DAP: variants seen among roughly 807,000 people sequenced by gnomAD.
DAP encodes the protein death-associated protein 1.
DAP carries 8 observed loss-of-function variants against 13.8 expected under a neutral mutation model. That is an observed-to-expected ratio of 0.58 (90% CI 0.34 to 1.05). The LOEUF (loss-of-function observed/expected upper bound fraction) is 1.05, where lower values mean the gene tolerates loss of function less well. DAP is among the 50% of genes least tolerant of loss of function. The pLI, the probability that DAP is intolerant of heterozygous loss-of-function variation, is 0.03. For missense variants in DAP, 106 were observed against 133.2 expected (o/e 0.80, Z 1.01); for synonymous variants, 47 against 47.5 (o/e 0.99, Z 0.04).
chr5:10,739,787 TCACACACACACACA>T (rs35309839), intron 2 of DAP, among the ~76,000 whole-genome samples: 1 of 148,506 alleles, frequency 6.7e-6, no homozygotes, highest in Non-Finnish European at 1.5e-5. Context: ...CTAAATTAAC[TCACACACACACACA>T]CACACACACA....
chr5:10,713,752 C>T lies in DAP; in HGVS notation c.153-30181G>A, dbSNP rs376502581. ...CGCCTGGTGTGCTCTGGCGGGGAAG[C>T]GGGGCTGGGCAAGTGCTGCTGTGTT... On this transcript the variant is annotated intron_variant, in intron 2 of 3. Coordinates refer to ENST00000230895, the MANE Select transcript of DAP (RefSeq NM_004394.3). 1.8e-4 allele frequency among the ~76,000 whole-genome samples: 28 copies of T among 152,338 alleles called. No homozygotes were observed. In the East Asian group the frequency reaches 2.3e-3, roughly 13 times the overall value.
chr5:10,751,149 C>T (rs1740036413), intron 1 of DAP, among the ~76,000 whole-genome samples: 1 of 152,156 alleles, frequency 6.6e-6, no homozygotes, highest in Non-Finnish European at 1.5e-5. Context: ...TTGGCTACTC[C>T]CTGCCTCCTG....
intron 2 of DAP, among the ~76,000 whole-genome samples, chr5:10,693,625 A>G (rs1387193203): frequency 6.6e-6 from 1 of 152,222 alleles, no homozygotes; most frequent in Non-Finnish European, 1.5e-5. Flanking sequence ...TTGCACAGTA[A>G]TAAGTGCTGG....
At chr5:10,703,907 T>C (rs1738640036) in intron 2 of DAP, among the ~76,000 whole-genome samples, 1 of 152,240 alleles carries the variant, frequency 6.6e-6, no homozygotes, top group Admixed American at 6.5e-5. Context: ...GGCTTGTCTC[T>C]ATGGCTTCAC....
chr5:10,717,447 C>G (rs1445016310), intron 2 of DAP, among the ~76,000 whole-genome samples: 2 of 152,202 alleles, frequency 1.3e-5, no homozygotes, highest in Non-Finnish European at 1.5e-5. Context: ...CCTGATGAAG[C>G]TGGGCACACT....
At chr5:10,718,559 C>T (rs750737592) in intron 2 of DAP, among the ~76,000 whole-genome samples, 12 of 152,240 alleles carry the variant, frequency 7.9e-5, no homozygotes, top group Non-Finnish European at 1.2e-4. Context: ...GGGGTGGTGA[C>T]TCCCATGACA....
At position 10,713,458 on chromosome 5, in the gene DAP, CAG is replaced by C. The variant is rs1738902451; in HGVS notation, c.153-29889_153-29888del. Among the ~76,000 whole-genome samples the C allele has an allele frequency of 2.0e-5, 3 of 152,302 alleles. No individual in the cohort carries two copies. The South Asian group carries it at 6.2e-4, about 32-fold the overall frequency. The stretch of plus-strand genomic sequence containing the variant: ...GAATGAGGGAGGCAGAAGAGTGAAA[CAG>C]AGAACCACCACCAACAGCCATTCAT... On this transcript the variant is annotated intron_variant, in intron 2 of 3. Transcript: ENST00000230895.
intron 2 of DAP, among the ~76,000 whole-genome samples, chr5:10,719,328 T>C (rs1298537476): frequency 1.3e-5 from 2 of 152,214 alleles, no homozygotes; most frequent in Non-Finnish European, 2.9e-5. Context: ...CAGGCTGCTA[T>C]GCAAGCTGCT....
intron 2 of DAP, among the ~76,000 whole-genome samples, chr5:10,733,430 G>T (rs1739523657): frequency 6.6e-6 from 1 of 152,070 alleles, no homozygotes; most frequent in Non-Finnish European, 1.5e-5. Flanking sequence ...TTCACTTTTG[G>T]TATCTAGATC....
intron 2 of DAP, among the ~76,000 whole-genome samples, chr5:10,691,455 A>G (rs1365464006): frequency 6.6e-6 from 1 of 152,258 alleles, no homozygotes; most frequent in African/African-American, 2.4e-5. Flanking sequence ...CTCACAAGCG[A>G]GAAACCCCAG....
intron 2 of DAP, among the ~76,000 whole-genome samples, chr5:10,723,619 T>G (rs1739213203): frequency 6.6e-6 from 1 of 152,182 alleles, no homozygotes; most frequent in Admixed American, 6.5e-5. Flanking sequence ...TCTTGAGCAT[T>G]TTAAGTAAAG....
At chr5:10,694,096 C>T (rs993464774) in intron 2 of DAP, among the ~76,000 whole-genome samples, 27 of 151,932 alleles carry the variant, frequency 1.8e-4, no homozygotes, top group African/African-American at 5.8e-4. Context: ...CCATCTCAGA[C>T]GACTCTGTTC....
chr5:10,735,121 G>A (rs1739574865), intron 2 of DAP, among the ~76,000 whole-genome samples: 2 of 152,252 alleles, frequency 1.3e-5, no homozygotes, highest in Admixed American at 1.3e-4. Flanking sequence ...GTGCTCAGAT[G>A]ATGAATTTAG....
chr5:10,749,456 C>T (rs139666695), intron 1 of DAP, among the ~76,000 whole-genome samples: 5 of 152,248 alleles, frequency 3.3e-5, no homozygotes, highest in African/African-American at 9.6e-5. Flanking sequence ...CACATGTTCC[C>T]GACACTTACT....
rs1456824114 is a variant in DAP, at chr5:10,761,175, G to C, written c.-107C>G. The stretch of plus-strand genomic sequence containing the variant: ...AGCGCCGGGGAGCGAGCGGGCGGGA[G>C]AACGACGCGCGCGCGTGGGGCGCCG... On this transcript the variant is annotated 5_prime_UTR_variant, in exon 1 of 4. Coordinates refer to ENST00000230895, the MANE Select transcript of DAP (RefSeq NM_004394.3). 5 of 580,876 alleles carry C rather than the reference G, an allele frequency of 8.6e-6. No individual in the cohort carries two copies. Among genetic ancestry groups the C allele is most frequent in the Non-Finnish European group, 2.4e-6 (1 of 418,680 alleles). 36.0% of individuals were successfully genotyped at this position (580,876 alleles called of 1,614,324 possible). A position where few individuals can be genotyped will look rare whatever the true frequency, so the allele number is the denominator to read the frequency against.
intron 1 of DAP, among the ~76,000 whole-genome samples, chr5:10,753,379 G>T (rs927692465): frequency 6.6e-6 from 1 of 152,216 alleles, no homozygotes; most frequent in South Asian, 2.1e-4. Flanking sequence ...GTAACTCAAA[G>T]GAACGGCCTA....
chr5:10,738,921 G>A (rs1739683352), intron 2 of DAP, among the ~76,000 whole-genome samples: 1 of 151,276 alleles, frequency 6.6e-6, no homozygotes, highest in South Asian at 2.1e-4. Flanking sequence ...GGAGGAGCAG[G>A]GCTGGGTGCA....
chr5:10,702,568 C>T (rs1738607479), intron 2 of DAP, among the ~76,000 whole-genome samples: 1 of 152,196 alleles, frequency 6.6e-6, no homozygotes, highest in African/African-American at 2.4e-5. Flanking sequence ...ACAGGTACTT[C>T]TTCAGATCTT....
chr5:10,725,799 T>C (rs768583616), intron 2 of DAP, among the ~76,000 whole-genome samples: 3 of 152,214 alleles, frequency 2.0e-5, no homozygotes, highest in Non-Finnish European at 4.4e-5. Context: ...ACATTTGGAT[T>C]CACATCTTAT....
Sources: allele counts gnomAD v4.1 joint callset (sites outside exome capture counted in the v4.1 genomes callset), GRCh38; gene constraint gnomAD v4.1.1; transcripts MANE v1.5; gene names NCBI Gene and HGNC (gene_info 2026-07-23, HGNC 2026-07-21).